The following CRACD variants were observed in gnomAD, a reference collection of about 807,000 sequenced individuals.
The protein encoded by CRACD is capping protein inhibiting regulator of actin dynamics, also known as capping protein-inhibiting regulator of actin dynamics.
Under a neutral mutation model 106.8 loss-of-function variants are expected in CRACD, and 56 were observed. The observed-to-expected ratio is 0.52, with a 90% CI of 0.42 to 0.66. The LOEUF is 0.66. CRACD is among the 30% of genes least tolerant of loss of function. CRACD has a pLI of 0.00. For synonymous variants in CRACD, 754 were observed against 670.8 expected (o/e 1.12, Z -1.92); for missense variants, 1,730 against 1,623.2 (o/e 1.07, Z -1.13).
At chr4:56,094,579 G>A (rs992203103) in intron 1 of CRACD, among the ~76,000 whole-genome samples, 12 of 151,818 alleles carry the variant, frequency 7.9e-5, no homozygotes, top group African/African-American at 2.7e-4. Context: ...TTAGCCTCCC[G>A]AGTAGCTGGG....
chr4:56,190,519 C>T (rs907527909), intron 2 of CRACD, among the ~76,000 whole-genome samples: 4 of 152,106 alleles, frequency 2.6e-5, no homozygotes, highest in African/African-American at 9.7e-5. Context: ...ATACTTTGGG[C>T]GATTCTGAAT....
At chr4:56,271,082 G>T (rs1243980663) in intron 2 of CRACD, among the ~76,000 whole-genome samples, 1 of 150,068 alleles carries the variant, frequency 6.7e-6, no homozygotes, top group African/African-American at 2.5e-5. Context: ...TCCAGCTTGG[G>T]CGATAAGAGT....
At chr4:56,244,860 GTC>G (rs1027976361) in intron 2 of CRACD, among the ~76,000 whole-genome samples, 2 of 152,204 alleles carry the variant, frequency 1.3e-5, no homozygotes, top group Non-Finnish European at 1.5e-5. Context: ...CATGTGCTTA[GTC>G]TGTTTCACAA....
chr4:56,096,617 G>A (rs1733607169), intron 1 of CRACD, among the ~76,000 whole-genome samples: 1 of 150,698 alleles, frequency 6.6e-6, no homozygotes, highest in Non-Finnish European at 1.5e-5. Flanking sequence ...GGTCAACAGA[G>A]TGAGACCTTG....
intron 1 of CRACD, among the ~76,000 whole-genome samples, chr4:56,088,261 C>A (rs558853404): frequency 6.6e-6 from 1 of 151,602 alleles, no homozygotes; most frequent in Admixed American, 6.6e-5. Flanking sequence ...TAGTAAATAG[C>A]GTAATACCTG....
chr4:56,192,885 ATAT>A (rs1445825844), intron 2 of CRACD, among the ~76,000 whole-genome samples: 1 of 152,170 alleles, frequency 6.6e-6, no homozygotes, highest in Admixed American at 6.5e-5. Flanking sequence ...AGATTGATTA[ATAT>A]TAGCTTCTCT....
At chr4:56,280,286 A>C (rs1160728510) in intron 3 of CRACD, among the ~76,000 whole-genome samples, 3 of 152,042 alleles carry the variant, frequency 2.0e-5, no homozygotes, top group African/African-American at 7.2e-5. Flanking sequence ...TAAAACTTAA[A>C]GTATAATAAA....
At chr4:56,066,292 T>C (rs1732465496) in intron 1 of CRACD, among the ~76,000 whole-genome samples, 1 of 152,214 alleles carries the variant, frequency 6.6e-6, no homozygotes, top group African/African-American at 2.4e-5. Flanking sequence ...GTATTATTAC[T>C]TCTCTTTTTA....
intron 1 of CRACD, among the ~76,000 whole-genome samples, chr4:56,067,645 G>T (rs920432480): frequency 7.9e-5 from 12 of 151,946 alleles, no homozygotes; most frequent in African/African-American, 2.9e-4. Context: ...GCATGGTCTC[G>T]GCTCACTGCA....
At chr4:56,111,603 G>A (rs2412732) in intron 1 of CRACD, among the ~76,000 whole-genome samples, 42,809 of 151,942 alleles carry the variant, frequency 0.28, 6,342 homozygotes, top group African/African-American at 0.37. Flanking sequence ...GTGCAGTGGC[G>A]CAATCTTGGC....
At chr4:56,250,902 G>A (rs1039048618) in intron 2 of CRACD, among the ~76,000 whole-genome samples, 18 of 152,212 alleles carry the variant, frequency 1.2e-4, no homozygotes, top group Admixed American at 2.6e-4. Flanking sequence ...AGCATATTTC[G>A]AAATAACTGT....
intron 3 of CRACD, among the ~76,000 whole-genome samples, chr4:56,296,249 T>A (rs1744024929): frequency 6.6e-6 from 1 of 152,206 alleles, no homozygotes; most frequent in Non-Finnish European, 1.5e-5. Flanking sequence ...TTTATATAAG[T>A]TATTTACTCT....
chr4:56,179,731 T>G (rs1736733282), intron 2 of CRACD, among the ~76,000 whole-genome samples: 1 of 152,158 alleles, frequency 6.6e-6, no homozygotes, highest in Admixed American at 6.5e-5. Flanking sequence ...AAAAATGTGG[T>G]TATCACCCGG....
intron 3 of CRACD, among the ~76,000 whole-genome samples, chr4:56,277,349 C>T (rs539450005): frequency 6.6e-6 from 1 of 151,376 alleles, no homozygotes; most frequent in African/African-American, 2.4e-5. Context: ...AAAAGCCAAT[C>T]AATGTAATAT....
At chr4:56,206,699 C>G (rs955875317) in intron 2 of CRACD, among the ~76,000 whole-genome samples, 1 of 152,164 alleles carries the variant, frequency 6.6e-6, no homozygotes, top group Non-Finnish European at 1.5e-5. Context: ...TGCACAAGCT[C>G]AGTCCAAAAC....
chr4:56,267,923 C>T (rs999405109), intron 2 of CRACD, among the ~76,000 whole-genome samples: 2 of 152,198 alleles, frequency 1.3e-5, no homozygotes, highest in Non-Finnish European at 2.9e-5. Flanking sequence ...TGCCAAAACC[C>T]TCCCAGTTCT....
chr4:56,221,916 A>G (rs996587250), intron 2 of CRACD, among the ~76,000 whole-genome samples: 3 of 152,246 alleles, frequency 2.0e-5, no homozygotes, highest in Non-Finnish European at 4.4e-5. Context: ...TGTGGTGAAT[A>G]CAGAACACTT....
chr4:56,140,515 G>A (rs908491059), intron 1 of CRACD, among the ~76,000 whole-genome samples: 1 of 136,488 alleles, frequency 7.3e-6, no homozygotes, highest in Non-Finnish European at 1.5e-5. Flanking sequence ...TTTAAAAAGT[G>A]TGATTGAAAT....
At chr4:56,182,233 T>G (rs1039686018) in intron 2 of CRACD, among the ~76,000 whole-genome samples, 1 of 151,608 alleles carries the variant, frequency 6.6e-6, no homozygotes, top group African/African-American at 2.4e-5. Flanking sequence ...TCACAGAAAA[T>G]TAGCTGTGTG....
Sources: gnomAD v4.1 joint callset for allele counts (sites outside exome capture counted in the v4.1 genomes callset) on GRCh38, gnomAD v4.1.1 for gene constraint, MANE v1.5 for transcripts, NCBI Gene and HGNC (gene_info 2026-07-23, HGNC 2026-07-21) for gene names.